RANBP17: variants seen among roughly 807,000 people sequenced by gnomAD.
RANBP17 encodes RAN binding protein 17.
RANBP17 carries 158 observed loss-of-function variants against 141.2 expected under a neutral mutation model. The observed-to-expected ratio is 1.12, with a 90% confidence interval of 0.98 to 1.28. RANBP17 has a LOEUF of 1.28. Ranked by LOEUF, RANBP17 falls within the 50% of genes most tolerant of loss-of-function variation. The probability of loss-of-function intolerance (pLI) is 0.00; values close to 1 mark genes in which losing one functional copy is unlikely to be tolerated. For missense variants in RANBP17, 1,438 were observed against 1,290.7 expected, an observed-to-expected ratio of 1.11 and a Z score of -1.75; for synonymous variants, 430 against 450.0, an observed-to-expected ratio of 0.96 and a Z score of 0.56.
intron 14 of RANBP17, among the ~76,000 whole-genome samples, chr5:170,989,533 TATTA>T (rs937027517): frequency 2.0e-5 from 3 of 151,826 alleles, no homozygotes; most frequent in South Asian, 2.1e-4. Context: ...AAGTTCCCTA[TATTA>T]ATTAATCACT....
intron 11 of RANBP17, among the ~76,000 whole-genome samples, chr5:170,920,744 C>A (rs1047196641): frequency 2.0e-5 from 3 of 152,132 alleles, no homozygotes; most frequent in African/African-American, 7.2e-5. Flanking sequence ...TTCTCCACAT[C>A]CTCTCCAGCA....
chr5:171,146,170 A>G (rs1327119856), intron 14 of RANBP17, among the ~76,000 whole-genome samples: 1 of 152,206 alleles, frequency 6.6e-6, no homozygotes, highest in East Asian at 1.9e-4. Flanking sequence ...AAATAAGGAT[A>G]AAGACCTAAT....
chr5:170,877,952 A>G (rs931817326), intron 1 of RANBP17, 145 bp from the exon 2 acceptor site: 2 of 464,746 alleles, frequency 4.3e-6, no homozygotes, highest in Non-Finnish European at 7.2e-6. Context: ...TTGCAACTGT[A>G]TCCCCTAGTA....
intron 14 of RANBP17, among the ~76,000 whole-genome samples, chr5:171,068,100 G>T (rs1311537064): frequency 6.6e-6 from 1 of 151,964 alleles, no homozygotes; most frequent in African/African-American, 2.4e-5. Flanking sequence ...TACTCAGACT[G>T]AGTAAATTTC....
At chr5:171,293,851 C>T (rs1768656496) in intron 25 of RANBP17, 32 bp from the exon 26 acceptor site, 1 of 1,490,934 alleles carries the variant, frequency 6.7e-7, no homozygotes, top group African/African-American at 1.4e-5. Context: ...TGAGACAAGG[C>T]ATCTCAATCT....
Position 170,882,123 on chromosome 5 carries a change from CA to C in RANBP17, c.256+228del, listed in dbSNP as rs1487916869. Among the ~76,000 whole-genome samples, 8 of 152,158 alleles carry C rather than the reference CA, an allele frequency of 5.3e-5. No individual in the cohort carries two copies. The East Asian group carries it at 1.6e-3, about 30-fold the overall frequency. On this transcript the variant is annotated intron_variant, in intron 3 of 27. Transcript: ENST00000523189. ...TTTTTGAGACAGAGTCTTGCTCTGT[CA>C]CCAGGCTGGAGTGCAGTGGCGCGAT...
At chr5:170,924,663 T>C (rs1772769559) in intron 12 of RANBP17, 113 bp downstream of exon 12, 3 of 667,820 alleles carry the variant, frequency 4.5e-6, no homozygotes, top group African/African-American at 1.8e-5. Flanking sequence ...CAATTCCTGG[T>C]CCCCTAATAA....
At chr5:170,914,673 T>C (rs1297144866) in intron 8 of RANBP17, among the ~76,000 whole-genome samples, 1 of 152,164 alleles carries the variant, frequency 6.6e-6, no homozygotes, top group East Asian at 1.9e-4. Context: ...GAATAAGAAA[T>C]GAAGGGGATC....
At chr5:170,975,982 T>C (rs968572232) in intron 14 of RANBP17, among the ~76,000 whole-genome samples, 3 of 110,986 alleles carry the variant, frequency 2.7e-5, no homozygotes, top group Non-Finnish European at 4.1e-5. Context: ...TTGAGATAAA[T>C]AGGCAAAAAA....
intron 14 of RANBP17, among the ~76,000 whole-genome samples, chr5:171,132,241 C>G (rs1185220512): frequency 6.6e-6 from 1 of 151,824 alleles, no homozygotes; most frequent in Admixed American, 6.6e-5. Flanking sequence ...AAGCCCTACC[C>G]CCCACCCAAG....
chr5:171,084,036 G>A (rs1049036168), intron 14 of RANBP17, among the ~76,000 whole-genome samples: 9 of 147,448 alleles, frequency 6.1e-5, no homozygotes, highest in Non-Finnish European at 1.2e-4. Flanking sequence ...ATGTATACAT[G>A]TGCCATGCTG....
Position 171,293,866 on chromosome 5 carries a change from G to A in RANBP17, c.2944-17G>A. The A allele has an allele frequency of 4.4e-6, 7 of 1,589,608 alleles. No homozygotes were observed. Among genetic ancestry groups the A allele is most frequent in the Non-Finnish European group, 6.0e-6 (7 of 1,157,870 alleles). ...TGAGACAAGGCATCTCAATCTTTAT[G>A]TGATTCTATCTTCTAGATGATGTCT... On this transcript the variant is annotated splice_polypyrimidine_tract_variant and intron_variant, in intron 25 of 27. Transcript: ENST00000523189.
At chr5:171,052,929 A>C (rs895329585) in intron 14 of RANBP17, among the ~76,000 whole-genome samples, 1 of 117,370 alleles carries the variant, frequency 8.5e-6, no homozygotes, top group Non-Finnish European at 1.9e-5. Flanking sequence ...CTCAGCTCAC[A>C]GCAACCTCTG....
chr5:170,966,148 A>G (rs1179289882), intron 13 of RANBP17, among the ~76,000 whole-genome samples: 2 of 152,006 alleles, frequency 1.3e-5, no homozygotes, highest in East Asian at 1.9e-4. Flanking sequence ...TTCTGAAACT[A>G]TTCCAATCAG....
At chr5:171,081,968 A>G (rs950462176) in intron 14 of RANBP17, among the ~76,000 whole-genome samples, 2 of 152,172 alleles carry the variant, frequency 1.3e-5, no homozygotes, top group South Asian at 4.1e-4. Context: ...GAATCCTTCT[A>G]ACTCTAAAAT....
intron 5 of RANBP17, chr5:170,904,075 G>T: frequency 2.2e-6 from 1 of 444,736 alleles, no homozygotes; most frequent in Non-Finnish European, 4.4e-6. Flanking sequence ...TACCTCACCT[G>T]TGTGCTCATG....
At chr5:171,061,548 C>A (rs1483873004) in intron 14 of RANBP17, among the ~76,000 whole-genome samples, 1 of 152,050 alleles carries the variant, frequency 6.6e-6, no homozygotes. Flanking sequence ...AATTTCTGAT[C>A]TTTTACATTT....
At chr5:171,119,334 T>C (rs374297376) in intron 14 of RANBP17, among the ~76,000 whole-genome samples, 2 of 152,356 alleles carry the variant, frequency 1.3e-5, no homozygotes, top group East Asian at 3.9e-4. Context: ...CCTGTAGCTT[T>C]GATTTTTTGT....
At chr5:171,044,429 C>G (rs1782441742) in intron 14 of RANBP17, among the ~76,000 whole-genome samples, 1 of 151,848 alleles carries the variant, frequency 6.6e-6, no homozygotes, top group Non-Finnish European at 1.5e-5. Flanking sequence ...AATTTTAATT[C>G]ATTAAGCCTT....
Sources: gnomAD v4.1 joint callset for allele counts (sites outside exome capture counted in the v4.1 genomes callset) on GRCh38, gnomAD v4.1.1 for gene constraint, MANE v1.5 for transcripts, NCBI Gene and HGNC (gene_info 2026-07-23, HGNC 2026-07-21) for gene names.